ANKRD12: variants seen among roughly 807,000 people sequenced by gnomAD.
The protein encoded by ANKRD12 is ankyrin repeat domain-containing protein 12.
A neutral mutation model predicts 183.4 loss-of-function variants in ANKRD12; 85 were observed. The observed-to-expected ratio is 0.46, with a 90% CI of 0.39 to 0.56. The LOEUF (loss-of-function observed/expected upper bound fraction) is 0.56, where lower values mean the gene tolerates loss of function less well. Among genes scored for constraint, ANKRD12 ranks in the 20% least tolerant of loss-of-function variants. The pLI is 0.00. For synonymous variants in ANKRD12, 914 were observed against 800.2 expected (o/e 1.14, Z -2.40); for missense variants, 2,405 against 2,357.1 (o/e 1.02, Z -0.42).
chr18:9,273,398 A>G lies in ANKRD12; in HGVS notation c.5764-2126A>G, dbSNP rs146429090. 7.3e-3 allele frequency among the ~76,000 whole-genome samples: 1,115 copies of G among 152,318 alleles called. 19 individuals carry two copies. The highest frequency in any genetic ancestry group is 0.026 in the African/African-American group (1,065 of 41,568). On this transcript the variant is annotated intron_variant, in intron 10 of 12. Coordinates refer to ENST00000262126, the MANE Select transcript of ANKRD12 (RefSeq NM_015208.5). Reference sequence around the variant, plus strand: ...GTCATCATACAGTATGTTTATTTCTATAAAAATATTCATTATAAAACTGCC... The same window carrying G: ...GTCATCATACAGTATGTTTATTTCTGTAAAAATATTCATTATAAAACTGCC...
intron 11 of ANKRD12, among the ~76,000 whole-genome samples, chr18:9,277,946 C>T (rs900251096): frequency 1.3e-5 from 2 of 152,070 alleles, no homozygotes; most frequent in Admixed American, 1.3e-4. Context: ...TGATCCAGAC[C>T]ACCTGACTTT....
rs181912483 is a variant in ANKRD12 at position 9,165,094 on chromosome 18, A to G, written c.-51-17288A>G. On this transcript the variant is annotated intron_variant, in intron 1 of 12. Transcript: ENST00000262126. ...ATCTAGGTGCTCCTGTATTGGTTGC[A>G]TATGTACTTAGGATAGTTAGCTCTT... 1.1e-3 allele frequency among the ~76,000 whole-genome samples: 170 copies of G among 152,278 alleles called. 2 individuals carry two copies. The highest frequency in any genetic ancestry group is 3.9e-3 in the African/African-American group (160 of 41,558).
chr18:9,171,879 G>T (rs1350445386), intron 1 of ANKRD12, among the ~76,000 whole-genome samples: 2 of 152,054 alleles, frequency 1.3e-5, no homozygotes, highest in East Asian at 1.9e-4. Flanking sequence ...AATCGGCTGG[G>T]TGTGGTGGCA....
chr18:9,212,331 G>A lies in ANKRD12; in HGVS notation c.652+547G>A, dbSNP rs150897060. Among the ~76,000 whole-genome samples, 965 of 151,834 alleles carry A rather than the reference G, an allele frequency of 6.4e-3. 7 individuals carry two copies. The highest frequency in any genetic ancestry group is 0.017 in the Middle Eastern group (5 of 294). On this transcript the variant is annotated intron_variant, in intron 6 of 12. Transcript: ENST00000262126. ...TCTCTTCCATAGAACTATGGTTAACGCTTAGGAGGTTACTCATTCAGTTCA... is the reference window on the plus strand; with the variant it reads ...TCTCTTCCATAGAACTATGGTTAACACTTAGGAGGTTACTCATTCAGTTCA...
intron 4 of ANKRD12, among the ~76,000 whole-genome samples, chr18:9,205,557 ACAGT>A (rs1273078466): frequency 6.6e-6 from 1 of 152,088 alleles, no homozygotes; most frequent in Admixed American, 6.6e-5. Flanking sequence ...GGGCATATTT[ACAGT>A]CAGTTACTGT....
In ANKRD12 at chr18:9,281,566, A is replaced by C. The variant is rs1202021395; in HGVS notation, c.*440A>C. On this transcript the variant is annotated 3_prime_UTR_variant, in exon 13 of 13. Transcript: ENST00000262126. ...AATGTGGGAGAAAAACTTGGCACAA[A>C]ATTTCTTCAGTTTATTATCTGTAAA... The C allele has an allele frequency of 6.5e-6, 1 of 152,800 alleles. No homozygotes were observed. The allele number at this position is 152,800 out of a possible 1,614,324, so 9.5% of individuals were successfully genotyped here.
intron 3 of ANKRD12, among the ~76,000 whole-genome samples, chr18:9,201,319 G>A (rs1234785907): frequency 6.6e-6 from 1 of 152,068 alleles, no homozygotes; most frequent in Non-Finnish European, 1.5e-5. Context: ...TTCTTTCCTA[G>A]TCTTAACGGT....
chr18:9,264,417 C>A (rs2039157850), intron 10 of ANKRD12, among the ~76,000 whole-genome samples: 2 of 152,112 alleles, frequency 1.3e-5, no homozygotes, highest in Admixed American at 1.3e-4. Context: ...GGGTTGAGGA[C>A]CTCTGAAAAT....
chr18:9,220,108 T>C (rs530022056), intron 7 of ANKRD12, among the ~76,000 whole-genome samples: 4 of 152,206 alleles, frequency 2.6e-5, no homozygotes, highest in Non-Finnish European at 5.9e-5. Context: ...TCTAGAAAAG[T>C]TTTTTTCTTT....
intron 6 of ANKRD12, 134 bp from the exon 7 acceptor site, chr18:9,216,624 C>A: frequency 1.3e-6 from 1 of 798,994 alleles, no homozygotes; most frequent in Non-Finnish European, 1.9e-6. Flanking sequence ...TTTTTAGTAG[C>A]TTCTTCATCA....
Position 9,285,449 on chromosome 18 carries a change from AAG to A in ANKRD12, c.*4324_*4325del, listed in dbSNP as rs1555647776. 7.3e-5 allele frequency: 11 copies of A among 151,300 alleles called. No individual in the cohort carries two copies. Among genetic ancestry groups the A allele is most frequent in the Non-Finnish European group, 1.6e-4 (11 of 67,838 alleles). The allele number at this position is 151,300 out of a possible 1,614,324, so 9.4% of individuals were successfully genotyped here. On this transcript the variant is annotated 3_prime_UTR_variant, in exon 13 of 13. Coordinates refer to ENST00000262126, the MANE Select transcript of ANKRD12 (RefSeq NM_015208.5). ...CTCCAAAAAAAAAAAAAAAAAAAAA[AAG>A]TATATCACATATGTAGCATGTGTTT...
In ANKRD12 at chr18:9,258,433, CGAA is replaced by C; in HGVS notation, c.5169_5171del (p.Glu1723del). The C allele has an allele frequency of 6.2e-7, 1 of 1,613,456 alleles. No homozygotes were observed. The highest frequency in any genetic ancestry group is 8.5e-7 in the Non-Finnish European group (1 of 1,179,878). On this transcript the variant is annotated inframe_deletion, in exon 9 of 13. Transcript: ENST00000262126. ...TTAAAGTAGAATTAGAAGAAAATGC[CGAA>C]GATGATAAAACTGAAAACCAAATCC...
chr18:9,217,694 T>C (rs148166445), intron 7 of ANKRD12, among the ~76,000 whole-genome samples: 1 of 152,228 alleles, frequency 6.6e-6, no homozygotes, highest in Non-Finnish European at 1.5e-5. Flanking sequence ...CTGTGCTCCT[T>C]TGGCAATTTG....
chr18:9,253,757 C>T (rs964003249), intron 8 of ANKRD12, among the ~76,000 whole-genome samples: 1 of 152,126 alleles, frequency 6.6e-6, no homozygotes, highest in Non-Finnish European at 1.5e-5. Flanking sequence ...GAAAGGGGAA[C>T]CCTTGTACAC....
At chr18:9,189,448 T>C (rs1343646003) in intron 2 of ANKRD12, among the ~76,000 whole-genome samples, 1 of 152,242 alleles carries the variant, frequency 6.6e-6, no homozygotes, top group Non-Finnish European at 1.5e-5. Flanking sequence ...ATGGCTACAC[T>C]AAACTACAGA....
chr18:9,230,083 T>A (rs936816238), intron 8 of ANKRD12, among the ~76,000 whole-genome samples: 1 of 152,146 alleles, frequency 6.6e-6, no homozygotes, highest in Admixed American at 6.6e-5. Flanking sequence ...TCTTTGTACT[T>A]CTTTGTGGTA....
rs766063894 is a variant in ANKRD12 at position 9,258,428 on chromosome 18, A to G, written c.5161A>G (p.Asn1721Asp). 1 of 1,613,836 alleles carries G rather than the reference A, an allele frequency of 6.2e-7. No individual in the cohort carries two copies. The highest frequency in any genetic ancestry group is 8.5e-7 in the Non-Finnish European group (1 of 1,179,940). ...GTTAGTTAAAGTAGAATTAGAAGAA[A>G]ATGCCGAAGATGATAAAACTGAAAA... ...GQLVKVELEE[N>D]AEDDKTENQI... The change falls in exon 9 of 13, where the codon AAT becomes GAT. Residue 1721 changes from asparagine to aspartate, a missense_variant. Physicochemically the swap from Asn to Asp is conservative, Grantham distance 23 (BLOSUM62 1). Around this residue, in one of 7 missense-constraint regions of ANKRD12, gnomAD observed 1,983 missense variants for 1,725.9 expected, o/e 1.15. Coordinates refer to ENST00000262126, the MANE Select transcript of ANKRD12 (RefSeq NM_015208.5).
Position 9,258,281 on chromosome 18 carries a change from T to A in ANKRD12, c.5014T>A (p.Cys1672Ser), listed in dbSNP as rs376514780. 10 of 1,613,570 alleles carry A rather than the reference T, an allele frequency of 6.2e-6. No individual in the cohort carries two copies. The African/African-American group carries it at 1.3e-4, about 22-fold the overall frequency. ...GNLNEQDPKH[C>S]PESEKCLLSI... is the part of the protein sequence containing the mutation. ...CCTAAATGAACAAGATCCAAAACATTGTCCTGAAAGTGAAAAGTGTTTGCT... is the reference window on the plus strand; with the variant it reads ...CCTAAATGAACAAGATCCAAAACATAGTCCTGAAAGTGAAAAGTGTTTGCT... The change falls in exon 9 of 13, where the codon TGT (cysteine) becomes AGT (serine). Residue 1672 changes from cysteine to serine, a missense_variant. Cys to Ser is a moderately radical substitution (Grantham distance 112). This residue lies in a region of ANKRD12 where 1,983 missense variants were observed against 1,725.9 expected (regional missense o/e 1.15). Coordinates refer to ENST00000262126, the MANE Select transcript of ANKRD12 (RefSeq NM_015208.5).
intron 2 of ANKRD12, among the ~76,000 whole-genome samples, chr18:9,193,255 C>T (rs1381981617): frequency 6.6e-6 from 1 of 151,740 alleles, no homozygotes; most frequent in Non-Finnish European, 1.5e-5. Context: ...CCTCCTGCCT[C>T]AGCCTCCCAA....
Sources: allele counts gnomAD v4.1 joint callset (sites outside exome capture counted in the v4.1 genomes callset), GRCh38; gene constraint gnomAD v4.1.1; regional missense constraint gnomAD v4.1.1; transcripts MANE v1.5; gene names NCBI Gene and HGNC (gene_info 2026-07-23, HGNC 2026-07-21).